The following LIG1 variants were observed in gnomAD, a reference collection of about 807,000 sequenced individuals.
LIG1 encodes DNA ligase 1, also known as ligase I, DNA, ATP-dependent.
A neutral mutation model predicts 115.7 loss-of-function variants in LIG1; 70 were observed. The ratio of observed to expected loss-of-function variants is 0.60; its 90% confidence interval spans 0.50 to 0.74. The LOEUF is 0.74. Ranked by LOEUF, LIG1 falls within the 30% of genes least tolerant of loss-of-function variation. LIG1 has a pLI of 0.00. For missense variants in LIG1, 1,115 were observed against 1,225.6 expected, an observed-to-expected ratio of 0.91 and a Z score of 1.35; for synonymous variants, 487 against 495.3, an observed-to-expected ratio of 0.98 and a Z score of 0.22.
chr19:48,154,352 G>C (rs2035700701), intron 5 of LIG1: 2 of 313,016 alleles, frequency 6.4e-6, no homozygotes, highest in South Asian at 2.9e-5. Flanking sequence ...CAGAAGTCTG[G>C]AAGTGGCAGG....
intron 5 of LIG1, 54 bp downstream of exon 5, chr19:48,156,960 A>AT: frequency 8.8e-6 from 12 of 1,359,918 alleles, no homozygotes; most frequent in African/African-American, 1.6e-5. Flanking sequence ...AAAAAAAAAA[A>AT]AAGAGAAAAA....
intron 23 of LIG1, 34 bp from the exon 24 acceptor site, chr19:48,121,356 G>T (rs750554688): frequency 6.4e-7 from 1 of 1,563,656 alleles, no homozygotes; most frequent in South Asian, 1.2e-5. Context: ...TGAGAAGGGG[G>T]AGCGCCCAAG....
At chr19:48,123,819 T>C (rs1393027358) in intron 21 of LIG1, among the ~76,000 whole-genome samples, 2 of 150,486 alleles carry the variant, frequency 1.3e-5, no homozygotes. Context: ...ATTACAGGCG[T>C]GAGCCACTGC....
intron 19 of LIG1, among the ~76,000 whole-genome samples, chr19:48,130,657 C>T (rs558510266): frequency 4.6e-5 from 7 of 152,284 alleles, no homozygotes; most frequent in Admixed American, 3.3e-4. Context: ...CTGCAGTCCA[C>T]GGCGGGGGAG....
At chr19:48,156,008 C>T (rs1172243026) in intron 5 of LIG1, among the ~76,000 whole-genome samples, 2 of 152,222 alleles carry the variant, frequency 1.3e-5, no homozygotes, top group Admixed American at 1.3e-4. Context: ...CAAGGGCTCA[C>T]ACTGCCCCGC....
At chr19:48,128,147 C>A (rs1001475093) in intron 19 of LIG1, 127 bp from the exon 20 acceptor site, 2 of 753,732 alleles carry the variant, frequency 2.7e-6, no homozygotes, top group Non-Finnish European at 4.8e-6. Flanking sequence ...GAGGCAGGTG[C>A]ACACAGATGC....
rs145821638 is a variant in LIG1 at position 48,117,686 on chromosome 19, C to T, written c.2535G>A (p.Lys845=). The change falls in exon 26 of 28, where the codon AAG becomes AAA. Residue 845 remains lysine, a synonymous_variant. Transcript: ENST00000263274. ...TGGGAGAGAGGGAGAGGTCAGCGCA[C>T]TTCACCTCCCACACAGCGCTGGGGT... The part of the protein sequence containing the change: ...WLDPSAVWEV[K]CADLSLSPIY... 3 of 1,612,512 alleles carry T rather than the reference C, an allele frequency of 1.9e-6. No homozygotes were observed. The African/African-American group carries it at 4.0e-5, about 22-fold the overall frequency.
intron 6 of LIG1, 99 bp downstream of exon 6, chr19:48,153,773 C>CACACCT (rs36137616): frequency 5.9e-6 from 2 of 337,484 alleles, no homozygotes; most frequent in East Asian, 6.8e-5. Flanking sequence ...CACACACACA[C>CACACCT]CTCTCCTTCT....
rs2035902420 is a variant in LIG1 at position 48,157,138 on chromosome 19, C to A, written c.246G>T (p.Lys82Asn). The A allele has an allele frequency of 1.2e-6, 2 of 1,609,204 alleles. No homozygotes were observed. Among genetic ancestry groups the A allele is most frequent in the Non-Finnish European group, 1.7e-6 (2 of 1,177,710 alleles). Residue 82 changes from lysine (K) to asparagine (N), a missense_variant and splice_region_variant, in exon 5 of 28, where the codon AAG becomes AAT. Transcript: ENST00000263274. ...AGACCTGTGAGCAGTCCAGGGCAGG[C>A]TTCTGGAAGAGGAAAGAACAGTTCT... is the stretch of plus-strand genomic sequence containing the variant. ...DEALSPAKGQ[K>N]PALDCSQVSP...
At chr19:48,132,364 C>T (rs1339258119) in intron 18 of LIG1, among the ~76,000 whole-genome samples, 3 of 152,118 alleles carry the variant, frequency 2.0e-5, no homozygotes, top group Non-Finnish European at 2.9e-5. Context: ...CATGTAGGCA[C>T]CTCCCAGAAC....
At chr19:48,123,406 G>A in intron 21 of LIG1, 88 bp from the exon 22 acceptor site, 3 of 1,474,536 alleles carry the variant, frequency 2.0e-6, no homozygotes, top group Non-Finnish European at 2.8e-6. Flanking sequence ...CAGGACATGT[G>A]CGGGTCACAA....
chr19:48,150,978 G>A (rs1011183600), intron 7 of LIG1, among the ~76,000 whole-genome samples: 1 of 152,044 alleles, frequency 6.6e-6, no homozygotes, highest in African/African-American at 2.4e-5. Flanking sequence ...TAGGATTACA[G>A]GTGTGAGGCA....
At chr19:48,141,399 T>C (rs1002303204) in intron 11 of LIG1, among the ~76,000 whole-genome samples, 2 of 147,694 alleles carry the variant, frequency 1.4e-5, no homozygotes, top group Non-Finnish European at 3.0e-5. Flanking sequence ...CCCAAAGTGC[T>C]GGGATTACAG....
chr19:48,138,451 G>A (rs1368741937), intron 12 of LIG1, among the ~76,000 whole-genome samples: 4 of 152,242 alleles, frequency 2.6e-5, no homozygotes, highest in South Asian at 4.1e-4. Context: ...GCTCAGCCGC[G>A]GCACAGAGCA....
chr19:48,152,485 A>G (rs1350636268), intron 6 of LIG1, among the ~76,000 whole-genome samples: 1 of 152,198 alleles, frequency 6.6e-6, no homozygotes, highest in Non-Finnish European at 1.5e-5. Flanking sequence ...ATTTGTTTGC[A>G]GAAACAAAAA....
At chr19:48,151,202 G>A (rs774573395) in intron 7 of LIG1, 30 bp downstream of exon 7, 4 of 1,389,560 alleles carry the variant, frequency 2.9e-6, no homozygotes, top group Non-Finnish European at 3.1e-6. Context: ...AGGAGGTGGG[G>A]CAGGGCGGAG....
chr19:48,141,877 A>C (rs1416695238), intron 11 of LIG1, among the ~76,000 whole-genome samples: 1 of 152,182 alleles, frequency 6.6e-6, no homozygotes, highest in Non-Finnish European at 1.5e-5. Flanking sequence ...AGCCCCCCCA[A>C]AATTCAGGTC....
At chr19:48,126,587 C>T (rs1364456597) in intron 21 of LIG1, among the ~76,000 whole-genome samples, 1 of 148,696 alleles carries the variant, frequency 6.7e-6, no homozygotes, top group East Asian at 2.0e-4. Flanking sequence ...GCCTGGGTGA[C>T]TGAGCAAGAC....
chr19:48,132,899 T>C (rs2034133037), intron 18 of LIG1, 83 bp downstream of exon 18: 3 of 1,019,064 alleles, frequency 2.9e-6, no homozygotes, highest in African/African-American at 3.2e-5. Flanking sequence ...CAGGCCGGCT[T>C]GAAGCTCAGG....
Sources: allele counts gnomAD v4.1 joint callset (sites outside exome capture counted in the v4.1 genomes callset), GRCh38; gene constraint gnomAD v4.1.1; transcripts MANE v1.5; gene names NCBI Gene and HGNC (gene_info 2026-07-23, HGNC 2026-07-21).